The following BRD10 variants were observed in gnomAD, a reference collection of about 807,000 sequenced individuals.
BRD10 encodes uncharacterized bromodomain-containing protein 10.
the BRD10 span, chr9:5,923,046 A>C: frequency 6.2e-7 from 1 of 1,613,908 alleles, no homozygotes; most frequent in Admixed American, 1.7e-5. Flanking sequence ...GACTCTGGAA[A>C]TGATGGCTCT....
the BRD10 span, among the ~76,000 whole-genome samples, chr9:5,987,137 G>A: frequency 6.6e-6 from 1 of 152,048 alleles, no homozygotes; most frequent in Admixed American, 6.6e-5. Context: ...AGCTAAACCT[G>A]GCAAATACTC....
the BRD10 span, among the ~76,000 whole-genome samples, chr9:5,907,527 G>C: frequency 6.6e-6 from 1 of 152,224 alleles, no homozygotes; most frequent in South Asian, 2.1e-4. Flanking sequence ...TAGAAAAGAA[G>C]ATAAATGGTT....
the BRD10 span, among the ~76,000 whole-genome samples, chr9:5,961,188 G>C: frequency 6.6e-6 from 1 of 152,096 alleles, no homozygotes; most frequent in Non-Finnish European, 1.5e-5. Flanking sequence ...ATAGAGAGGA[G>C]ACAATCCTCA....
chr9:5,888,076 C>A, the BRD10 span, among the ~76,000 whole-genome samples: 1 of 152,182 alleles, frequency 6.6e-6, no homozygotes, highest in Non-Finnish European at 1.5e-5. Context: ...AGGAATGGGT[C>A]CTCAGGTATT....
At chr9:5,908,877 A>C in the BRD10 span, 3 of 588,482 alleles carry the variant, frequency 5.1e-6, no homozygotes, top group Non-Finnish European at 9.0e-6. Context: ...AGTACTAATC[A>C]TGTGAGGAAA....
At chr9:5,934,168 T>G in the BRD10 span, among the ~76,000 whole-genome samples, 4 of 151,722 alleles carry the variant, frequency 2.6e-5, no homozygotes, top group South Asian at 2.1e-4. Flanking sequence ...ACATTTTTAT[T>G]TAAAAGAACA....
the BRD10 span, among the ~76,000 whole-genome samples, chr9:5,940,354 CTGG>C: frequency 6.6e-6 from 1 of 151,996 alleles, no homozygotes; most frequent in African/African-American, 2.4e-5. Flanking sequence ...CCACTACAGC[CTGG>C]CTAATTTTTG....
the BRD10 span, among the ~76,000 whole-genome samples, chr9:6,005,990 A>G: frequency 6.6e-6 from 1 of 152,254 alleles, no homozygotes; most frequent in Non-Finnish European, 1.5e-5. Flanking sequence ...TGAAAATGGC[A>G]TATGGGAAGC....
chr9:5,929,167 T>C, the BRD10 span: 1,251,291 of 1,388,588 alleles, frequency 0.9, 567,187 homozygotes, highest in Non-Finnish European at 0.93. Context: ...TCCCTAAAAA[T>C]AATGTTTAAA....
chr9:5,950,086 T>C, the BRD10 span, among the ~76,000 whole-genome samples: 1 of 152,192 alleles, frequency 6.6e-6, no homozygotes, highest in Non-Finnish European at 1.5e-5. Context: ...AAACGTAAGT[T>C]TTCACTCTCA....
chr9:5,969,779 C>T, the BRD10 span, among the ~76,000 whole-genome samples: 2 of 152,174 alleles, frequency 1.3e-5, no homozygotes, highest in African/African-American at 2.4e-5. Context: ...CTCCTGACCT[C>T]AGGTGATCCG....
At chr9:5,936,084 G>C in the BRD10 span, among the ~76,000 whole-genome samples, 5 of 152,222 alleles carry the variant, frequency 3.3e-5, no homozygotes, top group Admixed American at 6.5e-5. Flanking sequence ...AGCCGGGCAT[G>C]GGGGCTTATG....
the BRD10 span, among the ~76,000 whole-genome samples, chr9:5,888,933 G>A: frequency 6.6e-6 from 1 of 152,162 alleles, no homozygotes; most frequent in Non-Finnish European, 1.5e-5. Flanking sequence ...AATGAAAAGT[G>A]GATTTTATAT....
chr9:5,925,564 A>G, the BRD10 span, among the ~76,000 whole-genome samples: 1 of 152,170 alleles, frequency 6.6e-6, no homozygotes, highest in Non-Finnish European at 1.5e-5. Flanking sequence ...TCATTTAAAA[A>G]AAGTTTAAGC....
chr9:5,964,143 C>T, the BRD10 span, among the ~76,000 whole-genome samples: 21 of 151,096 alleles, frequency 1.4e-4, no homozygotes, highest in Non-Finnish European at 1.8e-4. Context: ...AGAAAATTTT[C>T]GCAACCTACT....
At chr9:5,987,366 T>C in the BRD10 span, among the ~76,000 whole-genome samples, 1 of 152,196 alleles carries the variant, frequency 6.6e-6, no homozygotes, top group Non-Finnish European at 1.5e-5. Flanking sequence ...TGTAGACTAC[T>C]ACAGCCTTCT....
At chr9:5,888,862 GTTGTC>G in the BRD10 span, among the ~76,000 whole-genome samples, 2 of 152,202 alleles carry the variant, frequency 1.3e-5, no homozygotes, top group African/African-American at 2.4e-5. Context: ...TTTTTGAAAT[GTTGTC>G]TTATCTTATT....
At chr9:5,944,979 A>G in the BRD10 span, 6 of 1,330,236 alleles carry the variant, frequency 4.5e-6, no homozygotes, top group South Asian at 8.1e-5. Flanking sequence ...AAACACAAAA[A>G]CACAGCTTGA....
the BRD10 span, among the ~76,000 whole-genome samples, chr9:5,882,168 T>A: frequency 1.3e-5 from 2 of 152,162 alleles, no homozygotes; most frequent in South Asian, 2.1e-4. Flanking sequence ...CAGTACTGTG[T>A]AACTGTGATG....
Sources: allele counts gnomAD v4.1 joint callset (sites outside exome capture counted in the v4.1 genomes callset), GRCh38; gene constraint gnomAD v4.1.1; transcripts MANE v1.5; gene names NCBI Gene and HGNC (gene_info 2026-07-23, HGNC 2026-07-21).